The following WDR33 variants were observed in gnomAD, a reference collection of about 807,000 sequenced individuals.
WDR33 encodes the protein WD repeat domain 33.
In WDR33, 47 loss-of-function variants were observed where a neutral mutation model predicts 164.9. The ratio of observed to expected loss-of-function variants is 0.29; its 90% CI spans 0.23 to 0.36. The LOEUF is 0.36. WDR33 is among the 10% of genes least tolerant of loss of function. WDR33 has a pLI of 1.00. For missense variants in WDR33, 1,137 were observed against 1,754.1 expected (o/e 0.65, Z 6.28); for synonymous variants, 505 against 589.0 (o/e 0.86, Z 2.06).
In WDR33 at chr2:127,701,587, C is replaced by G; in HGVS notation, c.*4736G>C. 1 of 1,330,700 alleles carries G rather than the reference C, an allele frequency of 7.5e-7. No homozygotes were observed. Among genetic ancestry groups the G allele is most frequent in the South Asian group, 1.8e-5 (1 of 55,180 alleles). The allele number at this position is 1,330,700 out of a possible 1,614,324, so 82.4% of individuals were successfully genotyped here. ...CTGGCGCAGGGGAAAGCTGGCGGCC[C>G]GGCGGCCGCGGAGCCGCTGCTCGCC... On this transcript the variant is annotated 3_prime_UTR_variant, in exon 22 of 22. Coordinates refer to ENST00000322313, the MANE Select transcript of WDR33 (RefSeq NM_018383.5).
At chr2:127,757,505 A>G (rs1244504759) in intron 7 of WDR33, among the ~76,000 whole-genome samples, 1 of 152,188 alleles carries the variant, frequency 6.6e-6, no homozygotes, top group Admixed American at 6.5e-5. Context: ...CAAAGTAAGA[A>G]ACTGGATACA....
chr2:127,753,218 C>G (rs1361812927), intron 7 of WDR33, among the ~76,000 whole-genome samples: 1 of 152,196 alleles, frequency 6.6e-6, no homozygotes, highest in African/African-American at 2.4e-5. Context: ...TGAGCCACCA[C>G]GCATAGCCCT....
At chr2:127,804,966 C>T (rs370179078) in intron 1 of WDR33, among the ~76,000 whole-genome samples, 19 of 151,640 alleles carry the variant, frequency 1.3e-4, no homozygotes, top group East Asian at 5.8e-4. Flanking sequence ...TTGTAAATAA[C>T]GCAAGCTAAC....
intron 7 of WDR33, among the ~76,000 whole-genome samples, chr2:127,732,351 T>C (rs949500341): frequency 1.3e-5 from 2 of 151,624 alleles, no homozygotes; most frequent in Non-Finnish European, 2.9e-5. Flanking sequence ...CAGGCTAGAG[T>C]GGAGTGGGAA....
At chr2:127,786,891 G>T in intron 1 of WDR33, among the ~76,000 whole-genome samples, 1 of 118,684 alleles carries the variant, frequency 8.4e-6, no homozygotes. Context: ...ATAATTCTTG[G>T]GTGTTTCTCA....
Position 127,708,742 on chromosome 2 carries a change from G to A in WDR33, c.3716C>T (p.Pro1239Leu), listed in dbSNP as rs1376280653. The stretch of plus-strand genomic sequence containing the variant: ...CATCTCTCTGTGCTCAGAAGTGCCT[G>A]GGCCATCATGCCAGGGGCGCTTTCG... ...PPRKRPWHDGPGTSEHREMEA... is the reference protein window; with the variant it reads ...PPRKRPWHDGLGTSEHREMEA... Residue 1239 changes from proline (P) to leucine (L), a missense_variant, in exon 21 of 22, where the codon CCA becomes CTA. This residue lies in a region of WDR33 where 867 missense variants were observed against 1,073.0 expected (regional missense o/e 0.81). Coordinates refer to ENST00000322313, the MANE Select transcript of WDR33 (RefSeq NM_018383.5). This position sits in a 1 kb window ranked among gnomAD's most constrained non-coding sequence, Gnocchi z 6.7. 2 of 1,613,694 alleles carry A rather than the reference G, an allele frequency of 1.2e-6. No homozygotes were observed. Among genetic ancestry groups the A allele is most frequent in the Non-Finnish European group, 1.7e-6 (2 of 1,179,834 alleles).
intron 1 of WDR33, among the ~76,000 whole-genome samples, chr2:127,805,929 T>C (rs1344893496): frequency 2.0e-5 from 3 of 150,112 alleles, no homozygotes; most frequent in Non-Finnish European, 3.0e-5. Flanking sequence ...CTACTGCACA[T>C]TAAAGAATAA....
intron 1 of WDR33, among the ~76,000 whole-genome samples, chr2:127,799,476 A>G (rs1242976881): frequency 6.6e-6 from 1 of 152,144 alleles, no homozygotes; most frequent in East Asian, 1.9e-4. Context: ...AAATGGGCAA[A>G]GAATGTGAAT....
rs1158780905 is a variant in WDR33 at position 127,711,780 on chromosome 2, A to ATT, written c.3308+1801_3308+1802dup. ...TATATATATATATATATATATATAT[A>ATT]TTTTTTTTTTGAGACAGAGTCTCGC... On this transcript the variant is annotated intron_variant, in intron 18 of 21. Transcript: ENST00000322313. Among the ~76,000 whole-genome samples, 433 of 88,240 alleles carry ATT rather than the reference A, an allele frequency of 4.9e-3. 15 individuals carry two copies. The highest frequency in any genetic ancestry group is 0.026 in the East Asian group (92 of 3,504). 57.9% of individuals were successfully genotyped at this position (88,240 alleles called of 152,430 possible).
intron 18 of WDR33, among the ~76,000 whole-genome samples, chr2:127,711,780 A>ATATATATATATTTTTTTTTTTTTT: frequency 4.5e-5 from 4 of 88,306 alleles, no homozygotes; most frequent in African/African-American, 2.6e-4. Flanking sequence ...ATATATATAT[A>ATATATATATATTTTTTTTTTTTTT]TTTTTTTTTT....
In WDR33 at chr2:127,705,964, T is replaced by C. The variant is rs1685998694; in HGVS notation, c.*359A>G. ...ACATTCTGTATTCATACAAAAACTT[T>C]GTTTTTCTCTGACAAACTGTACACA... On this transcript the variant is annotated 3_prime_UTR_variant, in exon 22 of 22. Coordinates refer to ENST00000322313, the MANE Select transcript of WDR33 (RefSeq NM_018383.5). The surrounding 1 kb of genome is among the most constrained non-coding windows in gnomAD (Gnocchi z 4.5). The C allele has an allele frequency of 4.4e-6, 1 of 229,588 alleles. No individual in the cohort carries two copies. Among genetic ancestry groups the C allele is most frequent in the Non-Finnish European group, 8.4e-6 (1 of 119,498 alleles). 14.2% of individuals were successfully genotyped at this position (229,588 alleles called of 1,614,324 possible). A position where few individuals can be genotyped will look rare whatever the true frequency, so the allele number is the denominator to read the frequency against.
Position 127,763,133 on chromosome 2 carries a change from G to A in WDR33, c.653C>T (p.Ala218Val), listed in dbSNP as rs1687727077. The A allele has an allele frequency of 3.1e-6, 5 of 1,614,052 alleles. No homozygotes were observed. Among genetic ancestry groups the A allele is most frequent in the Non-Finnish European group, 4.2e-6 (5 of 1,179,930 alleles). Residue 218 changes from alanine (A) to valine (V), a missense_variant, in exon 7 of 22, where the codon GCT (alanine) becomes GTT (valine). Around this residue, in one of 9 missense-constraint regions of WDR33, gnomAD observed 83 missense variants for 189.2 expected, o/e 0.44. Coordinates refer to ENST00000322313, the MANE Select transcript of WDR33 (RefSeq NM_018383.5). The surrounding 1 kb of genome is among the most constrained non-coding windows in gnomAD (Gnocchi z 4.5). Reference sequence around the variant, plus strand: ...AACAGTGCCGTCATCAGAGCATGTAGCAAATTTATTATCCGTGGGTGAGAA... The same window carrying A: ...AACAGTGCCGTCATCAGAGCATGTAACAAATTTATTATCCGTGGGTGAGAA... The part of the protein sequence containing the change: ...ASFSPTDNKF[A>V]TCSDDGTVRI...
Position 127,723,938 on chromosome 2 carries a change from G to C in WDR33, c.1196+395C>G, listed in dbSNP as rs1056401826. Among the ~76,000 whole-genome samples the C allele has an allele frequency of 6.6e-6, 1 of 152,076 alleles. No homozygotes were observed. The highest frequency in any genetic ancestry group is 1.5e-5 in the Non-Finnish European group (1 of 68,014). On this transcript the variant is annotated intron_variant, in intron 11 of 21. Coordinates refer to ENST00000322313, the MANE Select transcript of WDR33 (RefSeq NM_018383.5). The surrounding 1 kb of genome is among the most constrained non-coding windows in gnomAD (Gnocchi z 5.9). ...CAAAAAATGCAAAAATTAGCCAGGT[G>C]TGGTGGTGTGCTCCTATAGTCTCAG...
rs768169353 is a variant in WDR33, at chr2:127,706,297, G to T, written c.*26C>A. 6.6e-7 allele frequency: 1 copy of T among 1,520,800 alleles called. No individual in the cohort carries two copies. Among genetic ancestry groups the T allele is most frequent in the Non-Finnish European group, 8.8e-7 (1 of 1,136,178 alleles). The allele number at this position is 1,520,800 out of a possible 1,614,324, so 94.2% of individuals were successfully genotyped here. Reference sequence around the variant, plus strand: ...GAAGTTCTTACATACTGTCCAGAGAGGCCTCAGGGTACTCAGTTCCAGCTT... The same window carrying T: ...GAAGTTCTTACATACTGTCCAGAGATGCCTCAGGGTACTCAGTTCCAGCTT... On this transcript the variant is annotated 3_prime_UTR_variant, in exon 22 of 22. Coordinates refer to ENST00000322313, the MANE Select transcript of WDR33 (RefSeq NM_018383.5). The surrounding 1 kb of genome is among the most constrained non-coding windows in gnomAD (Gnocchi z 5.1).
chr2:127,798,345 G>A (rs1010109678), intron 1 of WDR33, among the ~76,000 whole-genome samples: 5 of 116,278 alleles, frequency 4.3e-5, no homozygotes, highest in Admixed American at 1.2e-4. Context: ...TCCAGCCTAG[G>A]CAACAGGGCG....
intron 7 of WDR33, among the ~76,000 whole-genome samples, chr2:127,751,094 C>T (rs1687345151): frequency 6.6e-6 from 1 of 151,874 alleles, no homozygotes; most frequent in Admixed American, 6.6e-5. Context: ...GGCACGGTGG[C>T]TCATGCCTAT....
intron 2 of WDR33, among the ~76,000 whole-genome samples, chr2:127,769,312 A>G (rs1488011682): frequency 2.0e-5 from 3 of 151,998 alleles, no homozygotes; most frequent in African/African-American, 7.3e-5. Flanking sequence ...ACATGGTGAA[A>G]CCCTGTCTCT....
Position 127,735,240 on chromosome 2 carries a change from AT to A in WDR33, c.725-8464del. Reference sequence around the variant, plus strand: ...TGGATGTAAACTTTGTGCCCTGTGCATTTTTCTCAGGCCCTCACCCCTCCTC... The same window carrying A: ...TGGATGTAAACTTTGTGCCCTGTGCATTTTCTCAGGCCCTCACCCCTCCTC... On this transcript the variant is annotated intron_variant, in intron 7 of 21. Transcript: ENST00000322313. The surrounding 1 kb of genome is among the most constrained non-coding windows in gnomAD (Gnocchi z 4.3). The A allele has an allele frequency of 3.1e-6, 1 of 323,044 alleles. No individual in the cohort carries two copies. The highest frequency in any genetic ancestry group is 4.5e-6 in the Non-Finnish European group (1 of 224,550). 20.0% of individuals were successfully genotyped at this position (323,044 alleles called of 1,614,324 possible).
In WDR33 at chr2:127,762,539, A is replaced by G. The variant is rs182747724; in HGVS notation, c.724+523T>C. 5,465 of 985,028 alleles carry G rather than the reference A, an allele frequency of 5.5e-3. 47 individuals carry two copies. The South Asian group carries it at 0.056, about 10-fold the overall frequency. The allele number at this position is 985,028 out of a possible 1,614,324, so 61.0% of individuals were successfully genotyped here. ...GAGGTTTATTAATTATAAAATCAAC[A>G]AAAGTAAACAAGCAGCAATGCCACC... On this transcript the variant is annotated intron_variant, in intron 7 of 21. Coordinates refer to ENST00000322313, the MANE Select transcript of WDR33 (RefSeq NM_018383.5).
Sources: gnomAD v4.1 joint callset for allele counts (sites outside exome capture counted in the v4.1 genomes callset) on GRCh38, gnomAD v4.1.1 for gene constraint, gnomAD v4.1.1 regional missense constraint, Gnocchi (gnomAD v3.1) non-coding constraint, MANE v1.5 for transcripts, NCBI Gene and HGNC (gene_info 2026-07-23, HGNC 2026-07-21) for gene names.